The following MSI2 variants were observed in gnomAD, a reference collection of about 807,000 sequenced individuals.
MSI2 encodes the protein RNA-binding protein Musashi homolog 2.
Under a neutral mutation model 45.6 loss-of-function variants are expected in MSI2, and 17 were observed. The observed-to-expected ratio is 0.37, with a 90% CI of 0.26 to 0.56. The LOEUF is 0.56. MSI2 is among the 20% of genes least tolerant of loss of function. MSI2 has a pLI of 0.77. For synonymous variants in MSI2, 156 were observed against 158.2 expected (o/e 0.99, Z 0.11); for missense variants, 293 against 444.2 (o/e 0.66, Z 3.06).
At chr17:57,374,160 A>G (rs545674027) in intron 5 of MSI2, among the ~76,000 whole-genome samples, 1 of 152,238 alleles carries the variant, frequency 6.6e-6, no homozygotes, top group Non-Finnish European at 1.5e-5. Flanking sequence ...AGACAAAGAC[A>G]GAAGCTATAT....
chr17:57,637,586 G>A (rs1173550406), intron 10 of MSI2, among the ~76,000 whole-genome samples: 1 of 152,206 alleles, frequency 6.6e-6, no homozygotes, highest in Non-Finnish European at 1.5e-5. Flanking sequence ...CGTGTCCTCA[G>A]GCAGGAAGCC....
chr17:57,651,572 G>C (rs151117424), intron 10 of MSI2, among the ~76,000 whole-genome samples: 17 of 152,218 alleles, frequency 1.1e-4, no homozygotes, highest in Admixed American at 2.6e-4. Context: ...AGTTAAAAAG[G>C]CCATGCTAAC....
intron 6 of MSI2, among the ~76,000 whole-genome samples, chr17:57,413,156 T>C (rs969978306): frequency 3.6e-4 from 54 of 151,764 alleles, no homozygotes; most frequent in East Asian, 7.8e-4. Context: ...AGCCTTTATA[T>C]ACACACACAC....
intron 8 of MSI2, chr17:57,601,029 CTG>C (rs1567927922): frequency 2.0e-5 from 3 of 152,200 alleles, no homozygotes; most frequent in African/African-American, 7.2e-5. Flanking sequence ...ACCCATCAGA[CTG>C]TGTGTCCCCT....
At chr17:57,358,842 G>A (rs369729052) in intron 5 of MSI2, among the ~76,000 whole-genome samples, 14 of 152,090 alleles carry the variant, frequency 9.2e-5, no homozygotes, top group Non-Finnish European at 1.2e-4. Context: ...AGGTGAAATC[G>A]AAGATGATAT....
At chr17:57,294,178 C>G (rs1299577798) in intron 5 of MSI2, among the ~76,000 whole-genome samples, 1 of 152,092 alleles carries the variant, frequency 6.6e-6, no homozygotes, top group East Asian at 1.9e-4. Context: ...CTGGCTCTGA[C>G]CAGCCACAAA....
intron 4 of MSI2, among the ~76,000 whole-genome samples, chr17:57,258,710 TG>T (rs974767582): frequency 1.3e-5 from 2 of 152,094 alleles, no homozygotes; most frequent in Non-Finnish European, 2.9e-5. Flanking sequence ...ACTGTGGCTG[TG>T]GGGATCAGCT....
intron 6 of MSI2, among the ~76,000 whole-genome samples, chr17:57,414,534 C>T (rs1253336404): frequency 3.9e-5 from 6 of 151,986 alleles, no homozygotes; most frequent in African/African-American, 1.2e-4. Flanking sequence ...GGATTATAGG[C>T]GCCTGTCACC....
intron 5 of MSI2, among the ~76,000 whole-genome samples, chr17:57,282,479 G>A (rs1252229771): frequency 6.6e-6 from 1 of 152,156 alleles, no homozygotes; most frequent in Non-Finnish European, 1.5e-5. Flanking sequence ...TTGCTGAGAT[G>A]ATAAAGAAGT....
intron 10 of MSI2, among the ~76,000 whole-genome samples, chr17:57,650,208 C>T (rs965230729): frequency 6.6e-6 from 1 of 151,772 alleles, no homozygotes; most frequent in African/African-American, 2.4e-5. Context: ...TCCCCCACTT[C>T]GTTCCTCTTT....
At chr17:57,358,954 G>C (rs1166783430) in intron 5 of MSI2, among the ~76,000 whole-genome samples, 5 of 152,140 alleles carry the variant, frequency 3.3e-5, no homozygotes, top group African/African-American at 9.7e-5. Flanking sequence ...TTTGCGATTG[G>C]TTTTATAGAG....
intron 10 of MSI2, among the ~76,000 whole-genome samples, chr17:57,638,894 C>A (rs1910037831): frequency 6.6e-6 from 1 of 151,818 alleles, no homozygotes; most frequent in African/African-American, 2.4e-5. Context: ...AGAATGAGAC[C>A]CTGTCTCAAA....
At chr17:57,514,615 A>G (rs1203129436) in intron 6 of MSI2, among the ~76,000 whole-genome samples, 4 of 151,644 alleles carry the variant, frequency 2.6e-5, no homozygotes, top group African/African-American at 7.3e-5. Flanking sequence ...AAAGAAAAAC[A>G]TACTTGTTGG....
intron 8 of MSI2, among the ~76,000 whole-genome samples, chr17:57,614,344 C>T (rs1047734305): frequency 2.0e-5 from 3 of 152,290 alleles, no homozygotes; most frequent in African/African-American, 4.8e-5. Context: ...TGAGCCACCA[C>T]GTCCGGCCTA....
chr17:57,434,773 T>C (rs879158198), intron 6 of MSI2, among the ~76,000 whole-genome samples: 1 of 131,902 alleles, frequency 7.6e-6, no homozygotes, highest in African/African-American at 3.1e-5. Context: ...TATATATATA[T>C]ACACCACATT....
In MSI2 at chr17:57,518,007, T is replaced by C. The variant is rs939655348; in HGVS notation, c.406-11669T>C. Among the ~76,000 whole-genome samples the C allele has an allele frequency of 7.2e-5, 11 of 152,300 alleles. No homozygotes were observed. The East Asian group carries it at 1.9e-3, about 27-fold the overall frequency. On this transcript the variant is annotated intron_variant, in intron 6 of 13. Transcript: ENST00000284073. The stretch of plus-strand genomic sequence containing the variant: ...TGTCAGACAAAAGAGCTTTAATAAA[T>C]ATTAGTTTAATGAATAAATGTGTCA...
chr17:57,311,530 G>T (rs1385715218), intron 5 of MSI2, among the ~76,000 whole-genome samples: 2 of 152,132 alleles, frequency 1.3e-5, no homozygotes, highest in African/African-American at 4.8e-5. Flanking sequence ...AAGCTGAAAG[G>T]ACAGAATGAA....
chr17:57,354,758 G>A (rs1186957778), intron 5 of MSI2, among the ~76,000 whole-genome samples: 1 of 152,092 alleles, frequency 6.6e-6, no homozygotes, highest in Non-Finnish European at 1.5e-5. Flanking sequence ...CTGGGAGCTT[G>A]TATTAATACA....
intron 7 of MSI2, among the ~76,000 whole-genome samples, chr17:57,561,289 C>T (rs974395354): frequency 6.6e-5 from 10 of 152,054 alleles, no homozygotes; most frequent in African/African-American, 2.4e-4. Context: ...ATATTTTTGC[C>T]CACCTGCCTG....
Sources: gnomAD v4.1 joint callset for allele counts (sites outside exome capture counted in the v4.1 genomes callset) on GRCh38, gnomAD v4.1.1 for gene constraint, MANE v1.5 for transcripts, NCBI Gene and HGNC (gene_info 2026-07-23, HGNC 2026-07-21) for gene names.